The following HIP1 variants were observed in gnomAD, a reference collection of about 807,000 sequenced individuals.
The protein encoded by HIP1 is huntingtin interacting protein 1.
In HIP1, 65 loss-of-function variants were observed where a neutral mutation model predicts 147.6. That is an observed-to-expected ratio of 0.44 (90% CI 0.36 to 0.54). The LOEUF (loss-of-function observed/expected upper bound fraction) is 0.54, where lower values mean the gene tolerates loss of function less well. Among genes scored for constraint, HIP1 ranks in the 20% least tolerant of loss-of-function variants. The pLI, the probability that HIP1 is intolerant of heterozygous loss-of-function variation, is 0.00. For missense variants in HIP1, 1,061 were observed against 1,299.6 expected (o/e 0.82, Z 2.82); for synonymous variants, 479 against 504.0 (o/e 0.95, Z 0.67).
At position 75,730,828 on chromosome 7, in the gene HIP1, G is replaced by A. The variant is rs1210637219; in HGVS notation, c.120+7973C>T. 3.3e-5 allele frequency among the ~76,000 whole-genome samples: 5 copies of A among 150,192 alleles called. 1 individual carries two copies. Among genetic ancestry groups the A allele is most frequent in the African/African-American group, 7.4e-5 (3 of 40,794 alleles). ...GCTCAATGCAACCTCCCCACTTTCC[G>A]GGTTCAAGCGATCCTCCTGCTTCAG... On this transcript the variant is annotated intron_variant, in intron 1 of 30. Transcript: ENST00000336926.
intron 1 of HIP1, among the ~76,000 whole-genome samples, chr7:75,720,246 C>T (rs999718942): frequency 6.6e-6 from 1 of 152,066 alleles, no homozygotes; most frequent in East Asian, 1.9e-4. Context: ...CTGCAACCTC[C>T]GCCTCCTGGG....
chr7:75,557,598 G>T, intron 16 of HIP1, 56 bp downstream of exon 16: 2 of 1,309,684 alleles, frequency 1.5e-6, no homozygotes, highest in Non-Finnish European at 1.1e-6. Flanking sequence ...CAAAGCCCCC[G>T]CCACCAACTC....
intron 1 of HIP1, among the ~76,000 whole-genome samples, chr7:75,642,200 C>G (rs942191899): frequency 6.6e-6 from 1 of 151,970 alleles, no homozygotes; most frequent in Non-Finnish European, 1.5e-5. Context: ...GGATTCTAGA[C>G]CAGCCTGGGT....
chr7:75,697,187 A>G, intron 1 of HIP1, among the ~76,000 whole-genome samples: 1 of 152,142 alleles, frequency 6.6e-6, no homozygotes, highest in East Asian at 1.9e-4. Flanking sequence ...TCTTTATCGT[A>G]CAGTTAATAT....
intron 1 of HIP1, among the ~76,000 whole-genome samples, chr7:75,616,033 C>A (rs1554505909): frequency 1.5e-5 from 2 of 129,866 alleles, no homozygotes; most frequent in Non-Finnish European, 3.1e-5. Context: ...TTGCAGTGAG[C>A]TGAGATCACA....
chr7:75,621,429 G>C (rs587768633), intron 1 of HIP1, among the ~76,000 whole-genome samples: 52 of 152,190 alleles, frequency 3.4e-4, no homozygotes, highest in African/African-American at 1.2e-3. Context: ...TGTTTTTTGC[G>C]GTTTTTGGTA....
intron 1 of HIP1, among the ~76,000 whole-genome samples, chr7:75,727,888 C>A (rs1250257146): frequency 6.6e-6 from 1 of 151,768 alleles, no homozygotes; most frequent in Admixed American, 6.6e-5. Context: ...ATGTCTGTAC[C>A]TTTTCTAAGT....
In HIP1 at chr7:75,651,460, C is replaced by CAAAAAAAAA. The variant is rs1168846001; in HGVS notation, c.121-52222_121-52214dup. Among the ~76,000 whole-genome samples the CAAAAAAAAA allele has an allele frequency of 9.1e-4, 40 of 44,128 alleles. 2 individuals carry two copies. The highest frequency in any genetic ancestry group is 1.8e-3 in the African/African-American group (31 of 16,944). The allele number at this position is 44,128 out of a possible 152,430, so 28.9% of individuals were successfully genotyped here. A position where few individuals can be genotyped will look rare whatever the true frequency, so the allele number is the denominator to read the frequency against. ...GGTTACAGAGTGAGACTCCATATCT[C>CAAAAAAAAA]AAAAAAAAAAAAAAAAAAAAAAAAA... On this transcript the variant is annotated intron_variant, in intron 1 of 30. Coordinates refer to ENST00000336926, the MANE Select transcript of HIP1 (RefSeq NM_005338.7).
At chr7:75,726,008 T>C (rs895311625) in intron 1 of HIP1, among the ~76,000 whole-genome samples, 1 of 151,586 alleles carries the variant, frequency 6.6e-6, no homozygotes, top group Admixed American at 6.6e-5. Context: ...TTTGTTCGTT[T>C]GTTTGTTTGT....
At chr7:75,717,756 A>C (rs1801367611) in intron 1 of HIP1, among the ~76,000 whole-genome samples, 1 of 151,540 alleles carries the variant, frequency 6.6e-6, no homozygotes, top group Non-Finnish European at 1.5e-5. Context: ...AGATCACTTG[A>C]GGTCAGGAAT....
intron 1 of HIP1, among the ~76,000 whole-genome samples, chr7:75,699,606 C>T (rs1800750946): frequency 1.3e-5 from 2 of 152,194 alleles, no homozygotes; most frequent in African/African-American, 4.8e-5. Flanking sequence ...GCAAAAGAAT[C>T]CAGCCCTCGA....
intron 1 of HIP1, among the ~76,000 whole-genome samples, chr7:75,601,527 C>T (rs1206976639): frequency 6.6e-6 from 1 of 151,396 alleles, no homozygotes; most frequent in Non-Finnish European, 1.5e-5. Context: ...ACCTGGGAGG[C>T]AGAGGTTGCA....
intron 1 of HIP1, among the ~76,000 whole-genome samples, chr7:75,701,637 G>T (rs1352556993): frequency 6.6e-6 from 1 of 151,870 alleles, no homozygotes; most frequent in East Asian, 1.9e-4. Flanking sequence ...ATCACTTGAG[G>T]CCAGGAGTTT....
intron 25 of HIP1, among the ~76,000 whole-genome samples, chr7:75,545,567 A>G (rs1295621588): frequency 3.9e-5 from 6 of 152,140 alleles, no homozygotes; most frequent in Non-Finnish European, 5.9e-5. Context: ...ACTTGAACCT[A>G]GGAGGCGGAG....
intron 1 of HIP1, among the ~76,000 whole-genome samples, chr7:75,606,761 G>A (rs587692535): frequency 2.0e-5 from 3 of 152,246 alleles, no homozygotes; most frequent in East Asian, 3.9e-4. Context: ...CGGTAACGGT[G>A]GTGATAATTA....
rs587703166 is a variant in HIP1, at chr7:75,622,358, G to A, written c.121-23111C>T. On this transcript the variant is annotated intron_variant, in intron 1 of 30. Coordinates refer to ENST00000336926, the MANE Select transcript of HIP1 (RefSeq NM_005338.7). ...TGGATAAGAGCACCAAGGAGTGAGTGCAGATGAGATGTCTGGGGACAGCCT... is the reference window on the plus strand; with the variant it reads ...TGGATAAGAGCACCAAGGAGTGAGTACAGATGAGATGTCTGGGGACAGCCT... 3.2e-4 allele frequency among the ~76,000 whole-genome samples: 49 copies of A among 152,106 alleles called. 1 individual carries two copies. In the South Asian group the frequency reaches 0.01, roughly 32 times the overall value.
Position 75,561,359 on chromosome 7 carries a change from C to A in HIP1, c.1161G>T (p.Leu387Phe). The change falls in exon 13 of 31, where the codon TTG becomes TTT. Residue 387 changes from leucine to phenylalanine, a missense_variant. By Grantham distance (22) the Leu-to-Phe change is conservative. Coordinates refer to ENST00000336926, the MANE Select transcript of HIP1 (RefSeq NM_005338.7). ...IERLYREISG[L>F]KAQLENMKTE... ...TCTTCATGTTTTCTAGCTGTGCCTT[C>A]AATCCACTGATCTCTCTGTATAGTC... 6.2e-7 allele frequency: 1 copy of A among 1,613,436 alleles called. No individual in the cohort carries two copies. Among genetic ancestry groups the A allele is most frequent in the Non-Finnish European group, 8.5e-7 (1 of 1,179,344 alleles).
chr7:75,664,296 GTATATATGTA>G (rs1799465754), intron 1 of HIP1, among the ~76,000 whole-genome samples: 1 of 76,044 alleles, frequency 1.3e-5, no homozygotes, highest in Non-Finnish European at 2.9e-5. Context: ...ATATATGTAT[GTATATATGTA>G]TGTATATGTA....
intron 4 of HIP1, among the ~76,000 whole-genome samples, chr7:75,591,591 G>A (rs1796502895): frequency 6.6e-6 from 1 of 152,020 alleles, no homozygotes; most frequent in Admixed American, 6.6e-5. Flanking sequence ...GAGAAGAGAA[G>A]TAGGAACTGT....
Sources: gnomAD v4.1 joint callset for allele counts (sites outside exome capture counted in the v4.1 genomes callset) on GRCh38, gnomAD v4.1.1 for gene constraint, MANE v1.5 for transcripts, NCBI Gene and HGNC (gene_info 2026-07-23, HGNC 2026-07-21) for gene names.